The following SLC26A5 variants were observed in gnomAD, a reference collection of about 807,000 sequenced individuals.
SLC26A5 encodes solute carrier family 26 member 5.
SLC26A5 carries 51 observed loss-of-function variants against 81.0 expected under a neutral mutation model. That is an observed-to-expected ratio of 0.63 (90% CI 0.50 to 0.80). The LOEUF (loss-of-function observed/expected upper bound fraction) is 0.80. SLC26A5 is among the 30% of genes least tolerant of loss of function. SLC26A5 has a pLI of 0.00. For synonymous variants in SLC26A5, 325 were observed against 332.8 expected, an observed-to-expected ratio of 0.98 and a Z score of 0.25; for missense variants, 771 against 905.8, an observed-to-expected ratio of 0.85 and a Z score of 1.91.
chr7:103,418,236 C>G (rs554225991), intron 4 of SLC26A5, among the ~76,000 whole-genome samples: 2 of 152,346 alleles, frequency 1.3e-5, no homozygotes, highest in South Asian at 4.1e-4. Context: ...ATCTCACCTA[C>G]AAAATGTATC....
chr7:103,440,992 G>A (rs1210742134), intron 2 of SLC26A5, among the ~76,000 whole-genome samples: 1 of 152,194 alleles, frequency 6.6e-6, no homozygotes, highest in Non-Finnish European at 1.5e-5. Flanking sequence ...GAAGGCTGCA[G>A]GGAACATGAG....
At chr7:103,405,190 C>T (rs990686293) in intron 8 of SLC26A5, among the ~76,000 whole-genome samples, 5 of 152,104 alleles carry the variant, frequency 3.3e-5, no homozygotes, top group African/African-American at 4.8e-5. Context: ...TCTGTCCATT[C>T]GTCAAACTCA....
At chr7:103,371,498 T>C (rs1286026934), downstream of SLC26A5, among the ~76,000 whole-genome samples, 1 of 150,842 alleles carries the variant, frequency 6.6e-6, no homozygotes, top group Admixed American at 6.7e-5. Context: ...CTAATTTTTT[T>C]GTATTTTTAG....
At chr7:103,397,859 CTAATG>C (rs1823268498) in intron 9 of SLC26A5, 68 bp downstream of exon 9, 2 of 1,088,320 alleles carry the variant, frequency 1.8e-6, no homozygotes, top group Admixed American at 3.4e-5. Flanking sequence ...TGCAAGAGAA[CTAATG>C]TAAGAGTTAG....
At chr7:103,404,955 C>G (rs1823911438) in intron 8 of SLC26A5, among the ~76,000 whole-genome samples, 1 of 151,788 alleles carries the variant, frequency 6.6e-6, no homozygotes. Flanking sequence ...TCTCTGATAC[C>G]CTTTCTTCTG....
intron 19 of SLC26A5, among the ~76,000 whole-genome samples, chr7:103,361,284 G>C (rs1439199420): frequency 6.0e-5 from 9 of 150,324 alleles, no homozygotes; most frequent in Non-Finnish European, 1.2e-4. Context: ...GGGATTTCGA[G>C]ACCAGCCTGA....
At chr7:103,431,956 C>T (rs1441146469) in intron 2 of SLC26A5, among the ~76,000 whole-genome samples, 2 of 152,124 alleles carry the variant, frequency 1.3e-5, no homozygotes, top group East Asian at 1.9e-4. Flanking sequence ...GGCTCTGTCA[C>T]CCAGGCTGGA....
At chr7:103,368,145 TC>T (rs1820817026) in intron 19 of SLC26A5, 5 of 1,154,358 alleles carry the variant, frequency 4.3e-6, no homozygotes, top group Non-Finnish European at 6.0e-6. Context: ...ATAAATGGCT[TC>T]AAAATTGTAT....
intron 15 of SLC26A5, among the ~76,000 whole-genome samples, chr7:103,379,796 T>C (rs1239579613): frequency 2.0e-5 from 3 of 152,122 alleles, no homozygotes; most frequent in Non-Finnish European, 4.4e-5. Context: ...CAAGTGAAAC[T>C]GAGTGAATAT....
chr7:103,436,429 A>G (rs1358333661), intron 2 of SLC26A5, among the ~76,000 whole-genome samples: 2 of 152,148 alleles, frequency 1.3e-5, no homozygotes, highest in African/African-American at 2.4e-5. Flanking sequence ...GGCAGGTACT[A>G]TTTTCTAAAC....
At chr7:103,373,101 A>G (rs951377458), downstream of SLC26A5, among the ~76,000 whole-genome samples, 1 of 152,214 alleles carries the variant, frequency 6.6e-6, no homozygotes, top group Non-Finnish European at 1.5e-5. Flanking sequence ...ACCAACTCAC[A>G]AACTTTAACA....
chr7:103,444,194 A>C (rs144016305), intron 1 of SLC26A5, among the ~76,000 whole-genome samples: 56 of 152,306 alleles, frequency 3.7e-4, no homozygotes, highest in African/African-American at 1.3e-3. Flanking sequence ...AAAATGATTA[A>C]ATTTATCCAT....
At chr7:103,394,171 A>C (rs1472959497) in intron 9 of SLC26A5, among the ~76,000 whole-genome samples, 1 of 152,206 alleles carries the variant, frequency 6.6e-6, no homozygotes, top group African/African-American at 2.4e-5. Context: ...TCACATCGTG[A>C]AGTAAGGAAA....
rs142989213 is a variant in SLC26A5, at chr7:103,361,665, A to G, written c.2042-8739T>C. 2.0e-3 allele frequency among the ~76,000 whole-genome samples: 306 copies of G among 152,326 alleles called. 3 individuals carry two copies. Among genetic ancestry groups the G allele is most frequent in the African/African-American group, 7.2e-3 (299 of 41,576 alleles). ...AGAGCAACTTAAGATATACAGGAGC[A>G]TCACTAATAATAAAGGAATACAAAC... On this transcript the variant is annotated intron_variant, in intron 19 of 19. Transcript: ENST00000339444.
intron 8 of SLC26A5, among the ~76,000 whole-genome samples, chr7:103,402,739 TTCTC>T (rs149531749): frequency 0.016 from 2,446 of 152,236 alleles, 59 homozygotes; most frequent in African/African-American, 0.057. Flanking sequence ...GATATCCCCT[TTCTC>T]ATTTTTTACT....
chr7:103,359,805 C>T (rs10234363), intron 19 of SLC26A5, among the ~76,000 whole-genome samples: 9,182 of 152,136 alleles, frequency 0.06, 398 homozygotes, highest in African/African-American at 0.12. Context: ...TTTGACTGGG[C>T]GCAGTGGCTC....
At chr7:103,412,087 G>A (rs1824529949) in intron 5 of SLC26A5, among the ~76,000 whole-genome samples, 1 of 152,184 alleles carries the variant, frequency 6.6e-6, no homozygotes. Context: ...AGGAAAAAGG[G>A]AGAGAGGAAG....
At chr7:103,415,723 A>G (rs373355826) in intron 4 of SLC26A5, among the ~76,000 whole-genome samples, 2 of 152,012 alleles carry the variant, frequency 1.3e-5, no homozygotes, top group Non-Finnish European at 2.9e-5. Flanking sequence ...TTTTCTTTCT[A>G]GTCTGAGATC....
intron 19 of SLC26A5, 94 bp from the exon 20 acceptor site, chr7:103,374,686 T>C: frequency 8.0e-7 from 1 of 1,249,764 alleles, no homozygotes; most frequent in Non-Finnish European, 1.1e-6. Flanking sequence ...GTTTTTTTTT[T>C]TGTTATTGTT....
Sources: gnomAD v4.1 joint callset for allele counts (sites outside exome capture counted in the v4.1 genomes callset) on GRCh38, gnomAD v4.1.1 for gene constraint, MANE v1.5 for transcripts, NCBI Gene and HGNC (gene_info 2026-07-23, HGNC 2026-07-21) for gene names.